The following ATP13A3 variants were observed in gnomAD, a reference collection of about 807,000 sequenced individuals.
ATP13A3 encodes the protein polyamine-transporting ATPase 13A3.
A neutral mutation model predicts 158.1 loss-of-function variants in ATP13A3; 59 were observed. The observed-to-expected ratio is 0.37, with a 90% CI of 0.30 to 0.46. The LOEUF is 0.46. Ranked by LOEUF, ATP13A3 falls within the 20% of genes least tolerant of loss-of-function variation. ATP13A3 has a pLI of 1.00. For missense variants in ATP13A3, 1,166 were observed against 1,525.2 expected (o/e 0.76, Z 3.92); for synonymous variants, 491 against 504.3 (o/e 0.97, Z 0.35).
At chr3:194,463,833 C>T (rs1447284380) in intron 2 of ATP13A3, among the ~76,000 whole-genome samples, 2 of 152,208 alleles carry the variant, frequency 1.3e-5, no homozygotes, top group Admixed American at 6.5e-5. Flanking sequence ...ATTGTTGAAA[C>T]TTCTTGGTGT....
chr3:194,427,639 A>C (rs757957283), intron 28 of ATP13A3, among the ~76,000 whole-genome samples: 11 of 9,528 alleles, frequency 1.2e-3, no homozygotes, highest in Admixed American at 4.7e-3. Flanking sequence ...TCTCTACAAT[A>C]AATAAATAAA....
chr3:194,427,805 TACAC>T (rs1247011445), intron 28 of ATP13A3, among the ~76,000 whole-genome samples: 2 of 152,158 alleles, frequency 1.3e-5, no homozygotes, highest in Non-Finnish European at 2.9e-5. Flanking sequence ...GTTAAAATAA[TACAC>T]ACTTCTTCCT....
chr3:194,460,587 C>G, intron 4 of ATP13A3, 71 bp downstream of exon 4: 1 of 1,452,354 alleles, frequency 6.9e-7, no homozygotes, highest in Non-Finnish European at 9.4e-7. Flanking sequence ...TCTATTATTT[C>G]GAATAAAGTA....
chr3:194,433,584 G>A (rs549505848), intron 21 of ATP13A3, among the ~76,000 whole-genome samples, 188 bp downstream of exon 21: 3 of 152,122 alleles, frequency 2.0e-5, no homozygotes, highest in East Asian at 1.9e-4. Context: ...AATAGGATTC[G>A]CTAGACCTCA....
In ATP13A3 at chr3:194,437,669, T is replaced by C; in HGVS notation, c.1828-96A>G. 7.1e-6 allele frequency: 9 copies of C among 1,263,566 alleles called. No individual in the cohort carries two copies. In the Middle Eastern group the frequency reaches 8.2e-4, roughly 115 times the overall value. 78.3% of individuals were successfully genotyped at this position (1,263,566 alleles called of 1,614,324 possible). ...TTACTAAGCATCCACAAAACATTAT[T>C]TGGAAAAGAAACAAGCAACTGTTTT... On this transcript the variant is annotated intron_variant, in intron 17 of 33. Coordinates refer to ENST00000645319, the MANE Select transcript of ATP13A3 (RefSeq NM_001367549.1).
intron 11 of ATP13A3, among the ~76,000 whole-genome samples, chr3:194,449,044 TACACACACACACACACAC>T (rs146993933): frequency 1.1e-4 from 15 of 134,984 alleles, no homozygotes; most frequent in East Asian, 8.8e-4. Context: ...GATCCACCCC[TACACACACACACACACAC>T]ACACACACAC....
intron 31 of ATP13A3, among the ~76,000 whole-genome samples, chr3:194,419,450 CAACTT>C (rs1223328397): frequency 6.6e-6 from 1 of 152,032 alleles, no homozygotes; most frequent in Non-Finnish European, 1.5e-5. Context: ...TTATGGCTAA[CAACTT>C]AAATATGTGT....
chr3:194,477,576 C>T (rs188170744), intron 2 of ATP13A3, among the ~76,000 whole-genome samples: 70 of 152,342 alleles, frequency 4.6e-4, no homozygotes, highest in African/African-American at 1.6e-3. Flanking sequence ...TCAACCCTTC[C>T]TCTTCCTCTT....
intron 17 of ATP13A3, among the ~76,000 whole-genome samples, chr3:194,438,402 C>G (rs1369711142): frequency 6.6e-6 from 1 of 152,084 alleles, no homozygotes. Context: ...TTCATACATA[C>G]TTTTTATTAA....
At chr3:194,473,372 T>C (rs1278293446) in intron 2 of ATP13A3, among the ~76,000 whole-genome samples, 1 of 152,076 alleles carries the variant, frequency 6.6e-6, no homozygotes, top group Non-Finnish European at 1.5e-5. Context: ...CTTGCAAAGT[T>C]GTAAAGCAAG....
At chr3:194,409,034 A>G (rs79243775) in intron 33 of ATP13A3, among the ~76,000 whole-genome samples, 90 of 152,346 alleles carry the variant, frequency 5.9e-4, no homozygotes, top group Admixed American at 1.1e-3. Context: ...CACAGTAGCT[A>G]TAGCAACCGG....
At chr3:194,410,940 GTGT>G (rs1560067373) in intron 33 of ATP13A3, among the ~76,000 whole-genome samples, 2 of 96,898 alleles carry the variant, frequency 2.1e-5, no homozygotes, top group Non-Finnish European at 3.6e-5. Flanking sequence ...GTGTTGGGGT[GTGT>G]GTGTGTGTGT....
intron 5 of ATP13A3, 69 bp downstream of exon 5, chr3:194,459,720 A>G: frequency 5.4e-6 from 8 of 1,483,102 alleles, no homozygotes; most frequent in Non-Finnish European, 7.3e-6. Context: ...AAATTATAGA[A>G]TATACATGAT....
chr3:194,483,338 C>T (rs1352181759), intron 2 of ATP13A3, among the ~76,000 whole-genome samples: 1 of 148,776 alleles, frequency 6.7e-6, no homozygotes, highest in Non-Finnish European at 1.5e-5. Context: ...GCCTGTAACC[C>T]TAACACTTTG....
intron 2 of ATP13A3, among the ~76,000 whole-genome samples, chr3:194,477,909 CTTTG>C (rs948027893): frequency 6.6e-6 from 1 of 152,170 alleles, no homozygotes; most frequent in Admixed American, 6.5e-5. Flanking sequence ...ACCTCTGTGT[CTTTG>C]TTTTAGTTTG....
intron 2 of ATP13A3, among the ~76,000 whole-genome samples, chr3:194,470,775 T>G (rs2109018332): frequency 6.6e-6 from 1 of 152,332 alleles, no homozygotes; most frequent in Admixed American, 6.5e-5. Context: ...GGTTAAGAAT[T>G]TTAAGACTCT....
chr3:194,424,666 AT>A (rs1716627548), intron 30 of ATP13A3, among the ~76,000 whole-genome samples: 3 of 152,138 alleles, frequency 2.0e-5, no homozygotes, highest in East Asian at 1.9e-4. Flanking sequence ...TGTATTCTCA[AT>A]TTTTTTTAAT....
Position 194,425,399 on chromosome 3 carries a change from T to C in ATP13A3, c.3256A>G (p.Ile1086Val), listed in dbSNP as rs755587618. Residue 1086 changes from isoleucine to valine, a missense_variant, in exon 30 of 34, where the codon ATA becomes GTA. Ile to Val is a conservative substitution (Grantham distance 29, BLOSUM62 3). Transcript: ENST00000645319. Reference protein sequence around the residue: ...VFFISSFQYLIVAIAFSKGKP... With the variant: ...VFFISSFQYLVVAIAFSKGKP... Reference sequence around the variant, plus strand: ...CCTTTTGAAAAGGCAATTGCCACTATGAGGTACTGAAAACTGGAAATAAAA... The same window carrying C: ...CCTTTTGAAAAGGCAATTGCCACTACGAGGTACTGAAAACTGGAAATAAAA... The C allele has an allele frequency of 1.9e-6, 3 of 1,613,470 alleles. No individual in the cohort carries two copies. Among genetic ancestry groups the C allele is most frequent in the Non-Finnish European group, 2.5e-6 (3 of 1,179,714 alleles).
intron 33 of ATP13A3, among the ~76,000 whole-genome samples, chr3:194,408,849 T>C (rs1275472286): frequency 1.3e-5 from 2 of 151,634 alleles, no homozygotes; most frequent in Admixed American, 1.3e-4. Context: ...GAAGAGAAAA[T>C]AAAAGGTGCT....
Sources: allele counts gnomAD v4.1 joint callset (sites outside exome capture counted in the v4.1 genomes callset), GRCh38; gene constraint gnomAD v4.1.1; transcripts MANE v1.5; gene names NCBI Gene and HGNC (gene_info 2026-07-23, HGNC 2026-07-21).